The following FBXL7 variants were observed in gnomAD, a reference collection of about 807,000 sequenced individuals.
FBXL7 encodes F-box and leucine rich repeat protein 7, also known as F-box/LRR-repeat protein 7.
A neutral mutation model predicts 38.3 loss-of-function variants in FBXL7; 12 were observed. The observed-to-expected ratio is 0.31, with a 90% CI of 0.20 to 0.51. The LOEUF (loss-of-function observed/expected upper bound fraction) is 0.51. Ranked by LOEUF, FBXL7 falls within the 20% of genes least tolerant of loss-of-function variation. FBXL7 has a pLI of 0.98. For synonymous variants in FBXL7, 297 were observed against 300.9 expected (o/e 0.99, Z 0.13); for missense variants, 567 against 676.4 (o/e 0.84, Z 1.79).
chr5:15,816,511 G>A (rs531616032), intron 2 of FBXL7, among the ~76,000 whole-genome samples: 82 of 152,164 alleles, frequency 5.4e-4, no homozygotes, highest in African/African-American at 2.0e-3. Context: ...AAGTGGGGAA[G>A]GGTTAAAAAC....
intron 2 of FBXL7, among the ~76,000 whole-genome samples, chr5:15,637,465 G>A (rs1412902235): frequency 1.3e-5 from 2 of 152,188 alleles, no homozygotes; most frequent in African/African-American, 2.4e-5. Context: ...AAAGCAGAAA[G>A]CAAATGACAA....
intron 2 of FBXL7, among the ~76,000 whole-genome samples, chr5:15,620,352 C>T (rs545605445): frequency 1.3e-5 from 2 of 151,008 alleles, no homozygotes; most frequent in East Asian, 3.9e-4. Flanking sequence ...CCTGCCTCAG[C>T]CTCCCGAGTA....
At chr5:15,583,537 C>G (rs1358132143) in intron 1 of FBXL7, among the ~76,000 whole-genome samples, 5 of 152,162 alleles carry the variant, frequency 3.3e-5, no homozygotes, top group African/African-American at 1.2e-4. Context: ...GAGAAATTGG[C>G]CAAAACAAAG....
rs534902210 is a variant in FBXL7 at position 15,803,143 on chromosome 5, C to A, written c.128-124747C>A. Among the ~76,000 whole-genome samples, 429 of 152,278 alleles carry A rather than the reference C, an allele frequency of 2.8e-3. 1 individual carries two copies. The highest frequency in any genetic ancestry group is 4.9e-3 in the Non-Finnish European group (331 of 68,028). On this transcript the variant is annotated intron_variant, in intron 2 of 3. Transcript: ENST00000504595. ...CAGTTGCTGAATATCTATGGACCAC[C>A]TGATTTGGAAATCAGCTACAAAAAA...
At chr5:15,918,351 C>T (rs186718082) in intron 2 of FBXL7, among the ~76,000 whole-genome samples, 1 of 152,302 alleles carries the variant, frequency 6.6e-6, no homozygotes, top group Non-Finnish European at 1.5e-5. Flanking sequence ...CTAGGACTCA[C>T]ACACTTTCTG....
intron 1 of FBXL7, among the ~76,000 whole-genome samples, chr5:15,596,939 C>A (rs896667143): frequency 6.6e-6 from 1 of 152,110 alleles, no homozygotes; most frequent in Non-Finnish European, 1.5e-5. Context: ...GCCAGTAAAC[C>A]TAAGTAAGTG....
chr5:15,584,050 C>T (rs1739229959), intron 1 of FBXL7, among the ~76,000 whole-genome samples: 1 of 152,200 alleles, frequency 6.6e-6, no homozygotes, highest in Non-Finnish European at 1.5e-5. Context: ...CTCTCTGAAG[C>T]AGTGGCTCGA....
chr5:15,525,693 A>G (rs895872916), intron 1 of FBXL7, among the ~76,000 whole-genome samples: 2 of 152,130 alleles, frequency 1.3e-5, no homozygotes, highest in East Asian at 1.9e-4. Context: ...CAAGGACTCT[A>G]TTGTATGAGA....
intron 2 of FBXL7, among the ~76,000 whole-genome samples, chr5:15,707,176 T>A (rs1292227491): frequency 7.7e-5 from 7 of 90,696 alleles, no homozygotes; most frequent in Non-Finnish European, 1.2e-4. Context: ...TTCTTTTCGT[T>A]TTTTTTTTTT....
chr5:15,660,180 A>G (rs1315824054), intron 2 of FBXL7, among the ~76,000 whole-genome samples: 2 of 152,204 alleles, frequency 1.3e-5, no homozygotes, highest in African/African-American at 4.8e-5. Context: ...CAGCTCTGGT[A>G]GAAACATCTT....
At chr5:15,851,857 C>G (rs1739106055) in intron 2 of FBXL7, among the ~76,000 whole-genome samples, 1 of 150,424 alleles carries the variant, frequency 6.6e-6, no homozygotes, top group Admixed American at 6.6e-5. Flanking sequence ...CACAAAGTTC[C>G]TTGGCTAGTT....
At chr5:15,541,447 A>G (rs868445326) in intron 1 of FBXL7, among the ~76,000 whole-genome samples, 180 of 92,634 alleles carry the variant, frequency 1.9e-3, no homozygotes, top group African/African-American at 2.9e-3. Context: ...GTGTGTGTAT[A>G]TATATATATA....
chr5:15,540,020 G>A (rs1291284093), intron 1 of FBXL7, among the ~76,000 whole-genome samples: 1 of 152,052 alleles, frequency 6.6e-6, no homozygotes, highest in African/African-American at 2.4e-5. Flanking sequence ...AATTCTGCCC[G>A]ATTTGACAGT....
At chr5:15,935,072 G>A (rs1742140865) in intron 3 of FBXL7, 1 of 505,614 alleles carries the variant, frequency 2.0e-6, no homozygotes, top group Non-Finnish European at 4.2e-6. Flanking sequence ...GCTAAGGGAA[G>A]CCATTTCCAG....
intron 2 of FBXL7, among the ~76,000 whole-genome samples, chr5:15,718,591 C>CA (rs1216926591): frequency 6.6e-6 from 1 of 152,194 alleles, no homozygotes; most frequent in Non-Finnish European, 1.5e-5. Flanking sequence ...TCGTGATAAT[C>CA]ACAAGTTTTT....
At chr5:15,704,776 A>G (rs1288787700) in intron 2 of FBXL7, among the ~76,000 whole-genome samples, 1 of 152,218 alleles carries the variant, frequency 6.6e-6, no homozygotes, top group Non-Finnish European at 1.5e-5. Flanking sequence ...AATCACATGC[A>G]TGAAATGTGG....
At chr5:15,642,857 A>G (rs1413794831) in intron 2 of FBXL7, among the ~76,000 whole-genome samples, 1 of 152,182 alleles carries the variant, frequency 6.6e-6, no homozygotes, top group Non-Finnish European at 1.5e-5. Context: ...TGTTCAATTC[A>G]TTTCATGATC....
chr5:15,653,981 C>T (rs1214237637), intron 2 of FBXL7, among the ~76,000 whole-genome samples: 3 of 152,148 alleles, frequency 2.0e-5, no homozygotes, highest in African/African-American at 7.2e-5. Flanking sequence ...AAGACTTTGA[C>T]TCAAACTTGG....
At chr5:15,545,499 A>G (rs1490818994) in intron 1 of FBXL7, among the ~76,000 whole-genome samples, 1 of 152,088 alleles carries the variant, frequency 6.6e-6, no homozygotes, top group African/African-American at 2.4e-5. Context: ...ATAGATTATT[A>G]TTTTCTTCAA....
Sources: gnomAD v4.1 joint callset for allele counts (sites outside exome capture counted in the v4.1 genomes callset) on GRCh38, gnomAD v4.1.1 for gene constraint, MANE v1.5 for transcripts, NCBI Gene and HGNC (gene_info 2026-07-23, HGNC 2026-07-21) for gene names.